Variants in DLG2 observed in about 807,000 individuals in gnomAD.
DLG2 encodes discs large MAGUK scaffold protein 2.
DLG2 carries 45 observed loss-of-function variants against 132.5 expected under a neutral mutation model. The observed-to-expected ratio is 0.34, with a 90% CI of 0.27 to 0.44. DLG2 has a LOEUF of 0.44. DLG2 is among the 20% of genes least tolerant of loss of function. The pLI, the probability that DLG2 is intolerant of heterozygous loss-of-function variation, is 1.00. For missense variants in DLG2, 1,045 were observed against 1,196.9 expected (o/e 0.87, Z 1.87); for synonymous variants, 424 against 419.6 (o/e 1.01, Z -0.13).
intron 3 of DLG2, among the ~76,000 whole-genome samples, chr11:85,587,873 C>A (rs1412833386): frequency 2.0e-5 from 3 of 152,120 alleles, no homozygotes; most frequent in Non-Finnish European, 4.4e-5. Context: ...TTTAGCATTT[C>A]TTGTGGTGCT....
chr11:84,733,388 C>T (rs758542386), intron 6 of DLG2, among the ~76,000 whole-genome samples: 143 of 152,196 alleles, frequency 9.4e-4, no homozygotes, highest in Admixed American at 1.6e-3. Flanking sequence ...TCTCTGATGG[C>T]CAGTGATGAT....
chr11:84,836,529 A>G (rs1445321334), intron 6 of DLG2, among the ~76,000 whole-genome samples: 3 of 151,722 alleles, frequency 2.0e-5, no homozygotes, highest in Admixed American at 2.0e-4. Flanking sequence ...TTATTGGACT[A>G]CTCTAACATT....
At chr11:85,268,997 T>G (rs528142763) in intron 4 of DLG2, among the ~76,000 whole-genome samples, 2 of 152,228 alleles carry the variant, frequency 1.3e-5, no homozygotes, top group Admixed American at 1.3e-4. Flanking sequence ...ATAATAGAAA[T>G]AGTAAGCTCT....
chr11:85,367,805 A>T (rs2084670886), intron 3 of DLG2, among the ~76,000 whole-genome samples: 1 of 152,160 alleles, frequency 6.6e-6, no homozygotes, highest in Non-Finnish European at 1.5e-5. Context: ...TTTCGGTTGC[A>T]TCTTTTATTT....
intron 7 of DLG2, among the ~76,000 whole-genome samples, chr11:84,510,689 A>G (rs1427959580): frequency 2.0e-5 from 3 of 152,316 alleles, no homozygotes; most frequent in Non-Finnish European, 4.4e-5. Context: ...ATTTACAATT[A>G]ATTATGATAT....
chr11:85,549,778 C>T (rs2076559590), intron 3 of DLG2, among the ~76,000 whole-genome samples: 1 of 152,182 alleles, frequency 6.6e-6, no homozygotes. Context: ...ATCCTCACTG[C>T]TCATTATACA....
chr11:84,273,364 A>G, intron 7 of DLG2: 2 of 1,313,752 alleles, frequency 1.5e-6, no homozygotes, highest in Non-Finnish European at 1.9e-6. Context: ...TCTTAATTAG[A>G]TCTGCTACAC....
chr11:84,153,983 G>A (rs545550216), intron 9 of DLG2, among the ~76,000 whole-genome samples: 18 of 152,086 alleles, frequency 1.2e-4, no homozygotes, highest in Non-Finnish European at 1.9e-4. Context: ...GCTATCACTT[G>A]GACAGGCTTT....
chr11:83,512,648 C>T (rs1195988415), intron 21 of DLG2, among the ~76,000 whole-genome samples: 10 of 152,076 alleles, frequency 6.6e-5, no homozygotes, highest in African/African-American at 2.4e-4. Flanking sequence ...CGTCATTTAA[C>T]ATTAGGCATA....
chr11:84,872,046 T>C (rs2085550532), intron 6 of DLG2, among the ~76,000 whole-genome samples: 1 of 152,210 alleles, frequency 6.6e-6, no homozygotes, highest in Middle Eastern at 3.2e-3. Flanking sequence ...CAAGTTTATA[T>C]CCTATCTAAT....
At chr11:84,517,128 G>GA (rs1239933235) in intron 7 of DLG2, among the ~76,000 whole-genome samples, 5 of 146,082 alleles carry the variant, frequency 3.4e-5, no homozygotes, top group South Asian at 2.1e-4. Flanking sequence ...AAAAGCACAG[G>GA]AAAAAAAAGC....
At chr11:84,445,267 G>A (rs778928760) in intron 7 of DLG2, among the ~76,000 whole-genome samples, 69 of 151,920 alleles carry the variant, frequency 4.5e-4, no homozygotes, top group Non-Finnish European at 4.7e-4. Context: ...CCTCTTTCTG[G>A]ATTAAATTTT....
intron 3 of DLG2, among the ~76,000 whole-genome samples, chr11:85,384,520 C>T (rs1187053145): frequency 6.6e-6 from 1 of 152,144 alleles, no homozygotes; most frequent in African/African-American, 2.4e-5. Flanking sequence ...TTTATCTTCC[C>T]TATTTATAAA....
chr11:85,124,859 C>A (rs1248522027), intron 5 of DLG2, among the ~76,000 whole-genome samples: 1 of 145,568 alleles, frequency 6.9e-6, no homozygotes, highest in Non-Finnish European at 1.5e-5. Flanking sequence ...GAGACGGAGT[C>A]TCGCTGTGTC....
chr11:84,525,561 T>G (rs898967446), intron 7 of DLG2, among the ~76,000 whole-genome samples: 7 of 152,208 alleles, frequency 4.6e-5, no homozygotes, highest in African/African-American at 1.7e-4. Flanking sequence ...TTATCTATCT[T>G]TTACATTTCA....
intron 6 of DLG2, among the ~76,000 whole-genome samples, chr11:85,059,767 G>A (rs1360519456): frequency 3.3e-5 from 5 of 151,602 alleles, no homozygotes; most frequent in Non-Finnish European, 7.4e-5. Flanking sequence ...AACTGTTAGT[G>A]ATTGACAAAG....
At chr11:84,092,386 T>C (rs1595059707) in intron 10 of DLG2, among the ~76,000 whole-genome samples, 2 of 152,230 alleles carry the variant, frequency 1.3e-5, no homozygotes, top group East Asian at 1.9e-4. Flanking sequence ...AATCTTACTA[T>C]ATCTTCTTGA....
intron 9 of DLG2, among the ~76,000 whole-genome samples, chr11:84,161,672 A>T (rs1157064805): frequency 1.3e-5 from 2 of 152,182 alleles, no homozygotes. Flanking sequence ...GTTCTATTCA[A>T]GATGGTGATG....
intron 12 of DLG2, among the ~76,000 whole-genome samples, chr11:83,974,779 A>G (rs2091948437): frequency 1.3e-5 from 2 of 152,078 alleles, no homozygotes; most frequent in African/African-American, 4.8e-5. Context: ...AAGACAGATT[A>G]GGTAGAATCA....
Sources: allele counts gnomAD v4.1 joint callset (sites outside exome capture counted in the v4.1 genomes callset), GRCh38; gene constraint gnomAD v4.1.1; transcripts MANE v1.5; gene names NCBI Gene and HGNC (gene_info 2026-07-23, HGNC 2026-07-21).